Variants in STAG1 observed in about 807,000 individuals in gnomAD.
STAG1 encodes cohesin subunit SA-1.
A neutral mutation model predicts 170.9 loss-of-function variants in STAG1; 26 were observed. That is an observed-to-expected ratio of 0.15 (90% confidence interval 0.11 to 0.21). The LOEUF (loss-of-function observed/expected upper bound fraction) is 0.21, where lower values mean the gene tolerates loss of function less well. Among genes scored for constraint, STAG1 ranks in the 10% least tolerant of loss-of-function variants. The pLI, the probability that STAG1 is intolerant of heterozygous loss-of-function variation, is 1.00. For synonymous variants in STAG1, 514 were observed against 497.7 expected (o/e 1.03, Z -0.44); for missense variants, 964 against 1,509.5 (o/e 0.64, Z 5.99).
At chr3:136,479,078 A>AT (rs1249805254) in intron 9 of STAG1, among the ~76,000 whole-genome samples, 2,772 of 126,960 alleles carry the variant, frequency 0.022, 37 homozygotes, top group African/African-American at 0.034. Context: ...TTTTTTTTTA[A>AT]TTTTTTTTTT....
intron 21 of STAG1, among the ~76,000 whole-genome samples, chr3:136,415,147 G>A (rs902545172): frequency 5.3e-5 from 8 of 152,122 alleles, no homozygotes; most frequent in African/African-American, 1.9e-4. Context: ...GTCAGCATAT[G>A]CTGTTGGGAA....
chr3:136,734,614 G>C (rs1312080905), intron 1 of STAG1, among the ~76,000 whole-genome samples: 1 of 152,024 alleles, frequency 6.6e-6, no homozygotes, highest in Non-Finnish European at 1.5e-5. Context: ...CAGGGAGAAG[G>C]GCATCTCCTT....
intron 4 of STAG1, among the ~76,000 whole-genome samples, chr3:136,579,789 C>T (rs1402676490): frequency 6.6e-6 from 1 of 152,028 alleles, no homozygotes; most frequent in Non-Finnish European, 1.5e-5. Flanking sequence ...ACTCCCCGTT[C>T]ATCATAAACA....
chr3:136,685,041 C>G (rs1252142454), intron 1 of STAG1, among the ~76,000 whole-genome samples: 1 of 151,600 alleles, frequency 6.6e-6, no homozygotes, highest in Non-Finnish European at 1.5e-5. Context: ...TTGGCTGGGC[C>G]CGGTGGCTCA....
At chr3:136,604,737 T>G (rs1938853553) in intron 3 of STAG1, among the ~76,000 whole-genome samples, 1 of 152,024 alleles carries the variant, frequency 6.6e-6, no homozygotes, top group South Asian at 2.1e-4. Context: ...TGCAGCATCC[T>G]CCTCCCAGGT....
At chr3:136,701,478 C>T (rs1559959700) in intron 1 of STAG1, among the ~76,000 whole-genome samples, 1 of 152,038 alleles carries the variant, frequency 6.6e-6, no homozygotes, top group Non-Finnish European at 1.5e-5. Flanking sequence ...CATTTTCAGA[C>T]AAATCCTAGA....
intron 6 of STAG1, among the ~76,000 whole-genome samples, chr3:136,535,270 T>C (rs908503973): frequency 5.9e-5 from 9 of 152,178 alleles, no homozygotes; most frequent in Non-Finnish European, 4.4e-5. Flanking sequence ...GTTGGGTAAA[T>C]AGTTATAAAC....
At chr3:136,689,910 C>T (rs531121476) in intron 1 of STAG1, among the ~76,000 whole-genome samples, 24 of 151,702 alleles carry the variant, frequency 1.6e-4, no homozygotes, top group Admixed American at 1.2e-3. Context: ...GGCGTGGTGG[C>T]GCATGCCTAT....
intron 1 of STAG1, among the ~76,000 whole-genome samples, chr3:136,692,364 G>C (rs974057454): frequency 9.9e-5 from 14 of 141,504 alleles, no homozygotes; most frequent in Non-Finnish European, 2.1e-4. Context: ...GCCAGGCACA[G>C]TGGCTCATTC....
Position 136,369,853 on chromosome 3 carries a change from G to A in STAG1, c.2371-571C>T, listed in dbSNP as rs183569651. 9.9e-5 allele frequency among the ~76,000 whole-genome samples: 15 copies of A among 152,272 alleles called. No homozygotes were observed. In the East Asian group the frequency reaches 2.9e-3, roughly 29 times the overall value. ...GATCCCATAAGCTTGTAATGGAGCT[G>A]AAAAATTCCTATCACCTAGTGATGT... On this transcript the variant is annotated intron_variant, in intron 23 of 33. Transcript: ENST00000383202.
chr3:136,468,708 C>T (rs1484986883), intron 12 of STAG1, among the ~76,000 whole-genome samples: 1 of 152,142 alleles, frequency 6.6e-6, no homozygotes, highest in East Asian at 1.9e-4. Flanking sequence ...GACCAATATC[C>T]CTGATGAACA....
intron 4 of STAG1, among the ~76,000 whole-genome samples, chr3:136,581,273 T>C (rs977470449): frequency 7.9e-5 from 12 of 152,266 alleles, no homozygotes; most frequent in African/African-American, 2.9e-4. Context: ...AGTTTTATGA[T>C]ACAATCTACA....
intron 1 of STAG1, among the ~76,000 whole-genome samples, chr3:136,691,122 A>C (rs1942708229): frequency 6.6e-6 from 1 of 151,566 alleles, no homozygotes. Flanking sequence ...ACATGGCAAA[A>C]CCTCATCTCC....
In STAG1 at chr3:136,369,238, T is replaced by C. The variant is rs143784838; in HGVS notation, c.2415A>G (p.Gln805=). 137 of 1,602,748 alleles carry C rather than the reference T, an allele frequency of 8.5e-5. No homozygotes were observed. The African/African-American group carries it at 1.6e-3, about 18-fold the overall frequency. Residue 805 remains glutamine, a synonymous_variant, in exon 24 of 34, where the codon CAA becomes CAG. Transcript: ENST00000383202. Reference sequence around the variant, plus strand: ...GGCCCTCTCTGCCACCTGTCATTAATTGGTGGCTGAAAATCATCAGAAGAT... The same window carrying C: ...GGCCCTCTCTGCCACCTGTCATTAACTGGTGGCTGAAAATCATCAGAAGAT... The part of the protein sequence containing the change: ...LCDLLMIFSH[Q]LMTGGREGLQ...
chr3:136,529,363 C>G (rs988384466), intron 6 of STAG1, among the ~76,000 whole-genome samples: 2 of 152,092 alleles, frequency 1.3e-5, no homozygotes, highest in African/African-American at 4.8e-5. Context: ...ACGTCAAAGA[C>G]AGAGAGAATT....
At chr3:136,426,109 A>T (rs1451763335) in intron 16 of STAG1, among the ~76,000 whole-genome samples, 1 of 144,910 alleles carries the variant, frequency 6.9e-6, no homozygotes, top group Non-Finnish European at 1.5e-5. Context: ...TGCAACAATT[A>T]AAAAAAAAAA....
chr3:136,557,654 T>C (rs1185481996), intron 5 of STAG1, among the ~76,000 whole-genome samples: 1 of 152,186 alleles, frequency 6.6e-6, no homozygotes, highest in Non-Finnish European at 1.5e-5. Flanking sequence ...GCAATTCTCC[T>C]GCCTCAGCCT....
At chr3:136,408,427 A>G (rs1576436715) in intron 21 of STAG1, among the ~76,000 whole-genome samples, 3 of 152,212 alleles carry the variant, frequency 2.0e-5, no homozygotes. Flanking sequence ...TTACTAAAAC[A>G]GAAAGGTTCT....
intron 22 of STAG1, among the ~76,000 whole-genome samples, chr3:136,379,126 T>G (rs1019499750): frequency 6.6e-6 from 1 of 152,258 alleles, no homozygotes; most frequent in Admixed American, 6.5e-5. Flanking sequence ...GAACTTTTCA[T>G]GTTTCTGCAG....
Sources: allele counts gnomAD v4.1 joint callset (sites outside exome capture counted in the v4.1 genomes callset), GRCh38; gene constraint gnomAD v4.1.1; transcripts MANE v1.5; gene names NCBI Gene and HGNC (gene_info 2026-07-23, HGNC 2026-07-21).